The following MFSD12 variants were observed in gnomAD, a reference collection of about 807,000 sequenced individuals.
MFSD12 encodes the protein major facilitator superfamily domain-containing protein 12.
Under a neutral mutation model 51.2 loss-of-function variants are expected in MFSD12, and 67 were observed. That is an observed-to-expected ratio of 1.31 (90% CI 1.08 to 1.60). The LOEUF (loss-of-function observed/expected upper bound fraction) is 1.60, where lower values mean the gene tolerates loss of function less well. Among genes scored for constraint, MFSD12 ranks in the 40% most tolerant of loss-of-function variants. MFSD12 has a pLI of 0.00. For synonymous variants in MFSD12, 441 were observed against 316.7 expected (o/e 1.39, Z -4.17); for missense variants, 921 against 673.0 (o/e 1.37, Z -4.08).
chr19:3,543,896 G>C, downstream of MFSD12: 1 of 1,550,876 alleles, frequency 6.4e-7, no homozygotes, highest in East Asian at 2.4e-5. Context: ...CCTCCCTGTC[G>C]GCACCCCAGC....
chr19:3,544,122 G>C (rs11667842), downstream of MFSD12: 212,369 of 1,415,270 alleles, frequency 0.15, 17,996 homozygotes, highest in African/African-American at 0.33. Context: ...CTCGCTGGCC[G>C]CCCACAACCA....
chr19:3,545,316 C>G (rs1261252771), intron 8 of MFSD12, among the ~76,000 whole-genome samples: 1 of 152,134 alleles, frequency 6.6e-6, no homozygotes, highest in African/African-American at 2.4e-5. Context: ...CTGCCCACAG[C>G]TCTCTGTGAG....
intron 5 of MFSD12, 24 bp downstream of exon 5, chr19:3,547,431 G>A (rs1451822576): frequency 6.2e-7 from 1 of 1,611,878 alleles, no homozygotes; most frequent in Non-Finnish European, 8.5e-7. Flanking sequence ...TCCCATCCCA[G>A]CGTCCCCGCC....
chr19:3,545,148 C>T (rs944398528), intron 8 of MFSD12, among the ~76,000 whole-genome samples: 1 of 152,184 alleles, frequency 6.6e-6, no homozygotes, highest in African/African-American at 2.4e-5. Flanking sequence ...CCAAATCCAC[C>T]ATGTCTCCCC....
At chr19:3,554,669 GTCCT>G (rs2031647718) in intron 1 of MFSD12, among the ~76,000 whole-genome samples, 1 of 152,128 alleles carries the variant, frequency 6.6e-6, no homozygotes, top group Non-Finnish European at 1.5e-5. Flanking sequence ...CAAAGTTAAT[GTCCT>G]TCCTTCTGAA....
At position 3,551,064 on chromosome 19, in the gene MFSD12, G is replaced by A. The variant is rs749319398; in HGVS notation, c.429C>T (p.Ala143=). The change falls in exon 2 of 10, where the codon GCC becomes GCT. Residue 143 remains alanine (A), a synonymous_variant. Coordinates refer to ENST00000355415, the MANE Select transcript of MFSD12 (RefSeq NM_174983.5). This position sits in a 1 kb window ranked among gnomAD's most constrained non-coding sequence, Gnocchi z 4.6. ...GGCTGAGGTGGGAGATCTGTGTGGA[G>A]GCCCAGCCAAACTGGAAGATCACGA... ...PFIVIFQFGW[A]STQISHLSLI... is the part of the protein sequence containing the mutation. 7.4e-6 allele frequency: 12 copies of A among 1,612,918 alleles called. No individual in the cohort carries two copies. Among genetic ancestry groups the A allele is most frequent in the Non-Finnish European group, 1.0e-5 (12 of 1,179,994 alleles).
chr19:3,544,862 G>GCCACGC lies in MFSD12; in HGVS notation c.1361_1366dup (p.Gly454_Val455dup), dbSNP rs778251783. 3.7e-6 allele frequency: 6 copies of GCCACGC among 1,611,736 alleles called. No homozygotes were observed. The highest frequency in any genetic ancestry group is 4.2e-6 in the Non-Finnish European group (5 of 1,179,546). On this transcript the variant is annotated inframe_insertion, in exon 9 of 10. Transcript: ENST00000355415. ...GAGGCTACAGAGACACAGGGCAGCG[G>GCCACGC]CCACGCCCACGCCGCCCGTCACAGC...
Position 3,546,154 on chromosome 19 carries a change from G to T in MFSD12, c.1209C>A (p.Phe403Leu), listed in dbSNP as rs560755848. 5 of 1,613,162 alleles carry T rather than the reference G, an allele frequency of 3.1e-6. No homozygotes were observed. Among genetic ancestry groups the T allele is most frequent in the South Asian group, 2.2e-5 (2 of 91,076 alleles). Reference protein sequence around the residue: ...LIGPHTNSGAFVYGSMSFLDK... With the variant: ...LIGPHTNSGALVYGSMSFLDK... The stretch of plus-strand genomic sequence containing the variant: ...CCAAGAAGCTCATGGAGCCGTACAC[G>T]AACGCTCCGCTGTTCTGTGGAGACA... Residue 403 changes from phenylalanine to leucine, a missense_variant, in exon 8 of 10, where the codon TTC (phenylalanine) becomes TTA (leucine). By Grantham distance (22) the Phe-to-Leu change is conservative. Transcript: ENST00000355415.
intron 4 of MFSD12, 150 bp downstream of exon 4, chr19:3,547,698 G>C (rs897810466): frequency 6.8e-6 from 8 of 1,178,576 alleles, no homozygotes; most frequent in Non-Finnish European, 9.4e-6. Flanking sequence ...AGGAAGAGGA[G>C]AGCAGCACTT....
chr19:3,539,287 C>A (rs1198976378), downstream of MFSD12: 11 of 1,390,062 alleles, frequency 7.9e-6, no homozygotes, highest in Non-Finnish European at 7.0e-6. Context: ...AGGTGAGCCC[C>A]TCCCAGCCCC....
intron 8 of MFSD12, among the ~76,000 whole-genome samples, chr19:3,545,155 C>T (rs1568253324): frequency 6.6e-6 from 1 of 152,204 alleles, no homozygotes; most frequent in Non-Finnish European, 1.5e-5. Flanking sequence ...CACCATGTCT[C>T]CCCTTCCCTG....
chr19:3,544,177 C>A (rs540339330), downstream of MFSD12: 8 of 1,369,606 alleles, frequency 5.8e-6, no homozygotes, highest in East Asian at 2.8e-5. Context: ...AGAGCCCCCC[C>A]GCAGGCAGAC....
In MFSD12 at chr19:3,547,311, G is replaced by A. The variant is rs34649654; in HGVS notation, c.984C>T (p.Ser328=). 1,259 of 1,613,274 alleles carry A rather than the reference G, an allele frequency of 7.8e-4. 10 individuals carry two copies. In the African/African-American group the frequency reaches 0.015, roughly 19 times the overall value. The part of the protein sequence containing the change: ...LVMYLSGFLS[S]FLMKPINKCI... Reference sequence around the variant, plus strand: ...ACTTGTTGATGGGCTTCATGAGGAAGGAGGACAAGAAGCCGCTGAGGTACA... The same window carrying A: ...ACTTGTTGATGGGCTTCATGAGGAAAGAGGACAAGAAGCCGCTGAGGTACA... The change falls in exon 6 of 10, where the codon TCC becomes TCT. Residue 328 remains serine (S), a synonymous_variant. Coordinates refer to ENST00000355415, the MANE Select transcript of MFSD12 (RefSeq NM_174983.5).
rs1235156263 is a variant in MFSD12, at chr19:3,551,636, G to C, written c.299-442C>G. Among the ~76,000 whole-genome samples the C allele has an allele frequency of 6.6e-6, 1 of 152,146 alleles. No individual in the cohort carries two copies. Among genetic ancestry groups the C allele is most frequent in the Non-Finnish European group, 1.5e-5 (1 of 68,014 alleles). ...AAGGTGACCACTCCCTGGAATGCTG[G>C]GGCGTCCTGGCCTCCAGGGACAGTC... On this transcript the variant is annotated intron_variant, in intron 1 of 9. Transcript: ENST00000355415. The surrounding 1 kb of genome is among the most constrained non-coding windows in gnomAD (Gnocchi z 4.6).
In MFSD12 at chr19:3,544,456, C is replaced by T. The variant is rs2030766417; in HGVS notation, c.*254G>A. ...TTCCTGTTCCCTGCCGAGAGGGGCA[C>T]CCCAAATCCTCCAGAGGGCTGGGAT... is the stretch of plus-strand genomic sequence containing the variant. On this transcript the variant is annotated 3_prime_UTR_variant, in exon 10 of 10. Coordinates refer to ENST00000355415, the MANE Select transcript of MFSD12 (RefSeq NM_174983.5). 1 of 1,348,512 alleles carries T rather than the reference C, an allele frequency of 7.4e-7. No individual in the cohort carries two copies. 83.5% of individuals were successfully genotyped at this position (1,348,512 alleles called of 1,614,324 possible). A position where few individuals can be genotyped will look rare whatever the true frequency, so the allele number is the denominator to read the frequency against.
Position 3,544,955 on chromosome 19 carries a change from G to C in MFSD12, c.1290-16C>G. 1.9e-6 allele frequency: 3 copies of C among 1,598,072 alleles called. No homozygotes were observed. The highest frequency in any genetic ancestry group is 2.6e-6 in the Non-Finnish European group (3 of 1,174,474). ...GAGCTCTGAGCTGTGGGAGGAGGCG[G>C]GGGATGAGTAGGCACCGCGGGTACC... On this transcript the variant is annotated splice_polypyrimidine_tract_variant and intron_variant, in intron 8 of 9. Transcript: ENST00000355415.
chr19:3,539,074 A>AG lies in MFSD12; in HGVS notation c.*6-319dup. The AG allele has an allele frequency of 4.2e-6, 3 of 711,660 alleles. No individual in the cohort carries two copies. The South Asian group carries it at 4.9e-5, about 12-fold the overall frequency. 44.1% of individuals were successfully genotyped at this position (711,660 alleles called of 1,614,324 possible). A position where few individuals can be genotyped will look rare whatever the true frequency, so the allele number is the denominator to read the frequency against. ...GAGGCCACCTCACCCCGCAGCTGGG[A>AG]GGAGGGAGTGGTCAGCGTGGTTGCC... On this transcript the variant is annotated intron_variant, in intron 4 of 4. Transcript: ENST00000398558.
intron 2 of MFSD12, among the ~76,000 whole-genome samples, chr19:3,548,933 G>C (rs2031289782): frequency 6.6e-6 from 1 of 150,430 alleles, no homozygotes; most frequent in South Asian, 2.1e-4. Flanking sequence ...TGGGGGTGGG[G>C]AGGAGCTGGT....
chr19:3,541,737 G>A (rs2030434305), downstream of MFSD12: 1 of 985,278 alleles, frequency 1.0e-6, no homozygotes, highest in African/African-American at 1.7e-5. Context: ...ACACCAGAAA[G>A]TAGTGAGTGG....
Sources: allele counts gnomAD v4.1 joint callset (sites outside exome capture counted in the v4.1 genomes callset), GRCh38; gene constraint gnomAD v4.1.1; non-coding constraint Gnocchi (gnomAD v3.1); transcripts MANE v1.5; gene names NCBI Gene and HGNC (gene_info 2026-07-23, HGNC 2026-07-21).